Variants in GPRC5C observed in about 807,000 individuals in gnomAD.
The protein encoded by GPRC5C is G protein-coupled receptor family C group 5 member C.
In GPRC5C, 22 loss-of-function variants were observed where a neutral mutation model predicts 31.4. The observed-to-expected ratio is 0.70, with a 90% confidence interval of 0.50 to 1.00. The LOEUF is 1.00. Ranked by LOEUF, GPRC5C falls within the 50% of genes least tolerant of loss-of-function variation. The pLI, the probability that GPRC5C is intolerant of heterozygous loss-of-function variation, is 0.00. For synonymous variants in GPRC5C, 249 were observed against 257.5 expected, an observed-to-expected ratio of 0.97 and a Z score of 0.32; for missense variants, 557 against 597.2, an observed-to-expected ratio of 0.93 and a Z score of 0.70.
intron 1 of GPRC5C, 78 bp from the exon 2 acceptor site, chr17:74,439,667 G>C: frequency 7.3e-7 from 1 of 1,379,220 alleles, no homozygotes; most frequent in Non-Finnish European, 9.9e-7. Context: ...CCTGGGTTTA[G>C]GTTGGGGGAA....
intron 3 of GPRC5C, chr17:74,445,361 A>G (rs1285340941): frequency 6.6e-6 from 1 of 152,176 alleles, no homozygotes; most frequent in African/African-American, 2.4e-5. Flanking sequence ...TGGGGGCACT[A>G]TCCAGCGCAG....
chr17:74,447,927 AG>A (rs2055667232), downstream of GPRC5C, among the ~76,000 whole-genome samples: 1 of 152,166 alleles, frequency 6.6e-6, no homozygotes, highest in Admixed American at 6.5e-5. Flanking sequence ...TGGCCTAGAG[AG>A]GGTCAGGAAT....
In GPRC5C at chr17:74,446,984, G is replaced by A. The variant is rs755144413; in HGVS notation, c.1282G>A (p.Gly428Ser). 8.7e-6 allele frequency: 14 copies of A among 1,614,180 alleles called. No individual in the cohort carries two copies. The highest frequency in any genetic ancestry group is 3.3e-5 in the South Asian group (3 of 91,092). Residue 428 changes from glycine to serine, a missense_variant, in exon 4 of 4, where the codon GGC (glycine) becomes AGC (serine). Transcript: ENST00000392627. ...SHQAATPPKD[G>S]KNSQVFRNPY... ...CCAGGCGGCCACACCGCCGAAAGAC[G>A]GCAAGAACTCTCAGGTCTTTAGAAA... is the stretch of plus-strand genomic sequence containing the variant.
downstream of GPRC5C, among the ~76,000 whole-genome samples, chr17:74,447,606 C>T (rs2055662192): frequency 6.6e-6 from 1 of 152,182 alleles, no homozygotes; most frequent in Admixed American, 6.5e-5. Context: ...GTGAGTGGTT[C>T]TTTAGCAGGT....
chr17:74,440,645 C>A lies in GPRC5C; in HGVS notation c.869C>A (p.Ala290Asp). Reference protein sequence around the residue: ...LAIALAANAWAFVLFYVIPEV... With the variant: ...LAIALAANAWDFVLFYVIPEV... Reference sequence around the variant, plus strand: ...ATCGCCCTCGCCGCCAATGCCTGGGCCTTCGTCCTCTTCTACGTCATCCCC... The same window carrying A: ...ATCGCCCTCGCCGCCAATGCCTGGGACTTCGTCCTCTTCTACGTCATCCCC... The change falls in exon 2 of 4, where the codon GCC (alanine) becomes GAC (aspartate). Residue 290 changes from alanine to aspartate, a missense_variant. Transcript: ENST00000392627. This position sits in a 1 kb window ranked among gnomAD's most constrained non-coding sequence, Gnocchi z 4.4. The A allele has an allele frequency of 6.2e-7, 1 of 1,608,170 alleles. No individual in the cohort carries two copies. The highest frequency in any genetic ancestry group is 8.5e-7 in the Non-Finnish European group (1 of 1,175,136).
Position 74,444,797 on chromosome 17 carries a change from T to C in GPRC5C, c.1146+885T>C, listed in dbSNP as rs187644043. On this transcript the variant is annotated intron_variant, in intron 3 of 3. Coordinates refer to ENST00000392627, the MANE Select transcript of GPRC5C (RefSeq NM_022036.4). ...AGTGGGCAGCCACAGAAGCCTTTGC[T>C]GAATAGCTTCCTTCACTGTTGCTGC... is the stretch of plus-strand genomic sequence containing the variant. Among the ~76,000 whole-genome samples the C allele has an allele frequency of 3.6e-4, 55 of 152,306 alleles. No individual in the cohort carries two copies. In the East Asian group the frequency reaches 0.011, roughly 29 times the overall value.
intron 1 of GPRC5C, among the ~76,000 whole-genome samples, chr17:74,434,713 A>G (rs567435649): frequency 6.6e-6 from 1 of 152,334 alleles, no homozygotes; most frequent in South Asian, 2.1e-4. Context: ...ACCTTAGGTC[A>G]GGAGTTTGAG....
In GPRC5C at chr17:74,439,863, C is replaced by A. The variant is rs147345722; in HGVS notation, c.87C>A (p.Pro29=). 1 of 1,613,402 alleles carries A rather than the reference C, an allele frequency of 6.2e-7. No individual in the cohort carries two copies. The highest frequency in any genetic ancestry group is 1.7e-5 in the Admixed American group (1 of 60,030). Residue 29 remains proline (P), a synonymous_variant, in exon 2 of 4, where the codon CCC becomes CCA. Coordinates refer to ENST00000392627, the MANE Select transcript of GPRC5C (RefSeq NM_022036.4). Reference sequence around the variant, plus strand: ...CCTGGGCCCAGGGCCATGTCCCACCCGGCTGCAGCCAAGGCCTCAACCCCC... The same window carrying A: ...CCTGGGCCCAGGGCCATGTCCCACCAGGCTGCAGCCAAGGCCTCAACCCCC... ...PGAWAQGHVP[P]GCSQGLNPLY... is the part of the protein sequence containing the mutation.
intron 1 of GPRC5C, among the ~76,000 whole-genome samples, chr17:74,434,063 C>T (rs1401100593): frequency 6.6e-6 from 1 of 152,176 alleles, no homozygotes; most frequent in Non-Finnish European, 1.5e-5. Context: ...AGCAACTGGA[C>T]TGCACTGACT....
Position 74,441,994 on chromosome 17 carries a change from T to C in GPRC5C, c.1051+1167T>C, listed in dbSNP as rs1474574145. The stretch of plus-strand genomic sequence containing the variant: ...TCTTTAAAAGGAAGTATTTTTCAGG[T>C]AATTTTTTTCTCTTTTTTTATTTTT... On this transcript the variant is annotated intron_variant, in intron 2 of 3. Coordinates refer to ENST00000392627, the MANE Select transcript of GPRC5C (RefSeq NM_022036.4). 4.6e-5 allele frequency among the ~76,000 whole-genome samples: 7 copies of C among 152,300 alleles called. No homozygotes were observed. The South Asian group carries it at 1.4e-3, about 32-fold the overall frequency.
chr17:74,449,712 T>G, downstream of GPRC5C: 1 of 229,318 alleles, frequency 4.4e-6, no homozygotes, highest in Non-Finnish European at 8.8e-6. Context: ...TCAGATTGCC[T>G]TCTTCCCCTC....
At chr17:74,435,578 A>G (rs913190049) in intron 1 of GPRC5C, among the ~76,000 whole-genome samples, 1 of 152,182 alleles carries the variant, frequency 6.6e-6, no homozygotes, top group Non-Finnish European at 1.5e-5. Context: ...TCATTCCTTG[A>G]AAGTTTCTAT....
At chr17:74,444,823 A>T (rs2055602064) in intron 3 of GPRC5C, among the ~76,000 whole-genome samples, 1 of 152,136 alleles carries the variant, frequency 6.6e-6, no homozygotes, top group Non-Finnish European at 1.5e-5. Flanking sequence ...CTGTTGCTGC[A>T]CCTCACTCCC....
At position 74,432,689 on chromosome 17, in the gene GPRC5C, G is replaced by A. The variant is rs187258034; in HGVS notation, c.-33+548G>A. Among the ~76,000 whole-genome samples the A allele has an allele frequency of 2.0e-5, 3 of 151,930 alleles. No individual in the cohort carries two copies. In the East Asian group the frequency reaches 5.9e-4, roughly 30 times the overall value. On this transcript the variant is annotated intron_variant, in intron 1 of 3. Transcript: ENST00000392627. The stretch of plus-strand genomic sequence containing the variant: ...TTCAAACCCGAGCCGGCTGGGGACT[G>A]GGGGGGTGGGGGAGCCCGGCGCTGC...
At chr17:74,450,218 G>A (rs1442929326), downstream of GPRC5C, 2 of 152,352 alleles carry the variant, frequency 1.3e-5, no homozygotes, top group Non-Finnish European at 2.9e-5. Flanking sequence ...GCTGGCATCT[G>A]GGGTTCAAGG....
chr17:74,434,919 G>T (rs1459188914), intron 1 of GPRC5C, among the ~76,000 whole-genome samples: 1 of 147,518 alleles, frequency 6.8e-6, no homozygotes, highest in Non-Finnish European at 1.5e-5. Context: ...GTGAAGCTTC[G>T]TCTCAAGAAA....
rs149933591 is a variant in GPRC5C at position 74,441,267 on chromosome 17, A to T, written c.1051+440A>T. Among the ~76,000 whole-genome samples the T allele has an allele frequency of 8.3e-4, 126 of 151,530 alleles. No individual in the cohort carries two copies. The East Asian group carries it at 0.017, about 20-fold the overall frequency. On this transcript the variant is annotated intron_variant, in intron 2 of 3. Coordinates refer to ENST00000392627, the MANE Select transcript of GPRC5C (RefSeq NM_022036.4). ...ACTCCAGCCTGGGTGACAGAGCAAGACTCCATCTCAAAATAAATAAATAAA... is the reference window on the plus strand; with the variant it reads ...ACTCCAGCCTGGGTGACAGAGCAAGTCTCCATCTCAAAATAAATAAATAAA...
chr17:74,441,001 A>T (rs1056900367), intron 2 of GPRC5C, among the ~76,000 whole-genome samples, 174 bp downstream of exon 2: 5 of 151,182 alleles, frequency 3.3e-5, no homozygotes, highest in Admixed American at 2.0e-4. Context: ...TCAGTTGGGC[A>T]TGGTAGATCA....
At chr17:74,448,451 C>T (rs1163916852), downstream of GPRC5C, among the ~76,000 whole-genome samples, 2 of 152,098 alleles carry the variant, frequency 1.3e-5, no homozygotes, top group Non-Finnish European at 2.9e-5. Context: ...AATCTCGGCT[C>T]ACTGCAACCT....
Sources: gnomAD v4.1 joint callset for allele counts (sites outside exome capture counted in the v4.1 genomes callset) on GRCh38, gnomAD v4.1.1 for gene constraint, Gnocchi (gnomAD v3.1) non-coding constraint, MANE v1.5 for transcripts, NCBI Gene and HGNC (gene_info 2026-07-23, HGNC 2026-07-21) for gene names.